KIF13A: variants seen among roughly 807,000 people sequenced by gnomAD.
KIF13A encodes the protein kinesin-like protein KIF13A.
Under a neutral mutation model 212.2 loss-of-function variants are expected in KIF13A, and 79 were observed. That is an observed-to-expected ratio of 0.37 (90% confidence interval 0.31 to 0.45). KIF13A has a LOEUF of 0.45. KIF13A is among the 20% of genes least tolerant of loss of function. The probability of loss-of-function intolerance (pLI) is 1.00; values close to 1 mark genes in which losing one functional copy is unlikely to be tolerated. For synonymous variants in KIF13A, 789 were observed against 808.6 expected, an observed-to-expected ratio of 0.98 and a Z score of 0.41; for missense variants, 1,901 against 2,209.0, an observed-to-expected ratio of 0.86 and a Z score of 2.79.
chr6:17,853,502 T>C (rs1227305511), intron 6 of KIF13A, among the ~76,000 whole-genome samples: 1 of 152,150 alleles, frequency 6.6e-6, no homozygotes, highest in African/African-American at 2.4e-5. Context: ...ATGTGTTACC[T>C]AGAAACTCCT....
chr6:17,856,178 A>G lies in KIF13A; in HGVS notation c.221-56T>C. The G allele has an allele frequency of 1.6e-6, 2 of 1,236,654 alleles. No individual in the cohort carries two copies. Among genetic ancestry groups the G allele is most frequent in the Non-Finnish European group, 2.3e-6 (2 of 859,002 alleles). 76.6% of individuals were successfully genotyped at this position (1,236,654 alleles called of 1,614,324 possible). On this transcript the variant is annotated intron_variant, in intron 4 of 38. Transcript: ENST00000259711. The surrounding 1 kb of genome is among the most constrained non-coding windows in gnomAD (Gnocchi z 4.5). ...TAAAAAGAATAATTTTTCTTGACAT[A>G]TTTGTGTTAGTAACAATATTATGTC...
chr6:17,847,132 C>G (rs1767144747), intron 9 of KIF13A, among the ~76,000 whole-genome samples: 1 of 152,198 alleles, frequency 6.6e-6, no homozygotes, highest in African/African-American at 2.4e-5. Flanking sequence ...CACACACACA[C>G]ACTCTAAATT....
intron 2 of KIF13A, among the ~76,000 whole-genome samples, chr6:17,960,633 G>A (rs1257202356): frequency 6.6e-6 from 1 of 152,176 alleles, no homozygotes; most frequent in African/African-American, 2.4e-5. Flanking sequence ...GATATATCGA[G>A]AGCATCATCT....
intron 3 of KIF13A, among the ~76,000 whole-genome samples, chr6:17,896,228 G>T (rs1311462609): frequency 6.6e-6 from 1 of 151,806 alleles, no homozygotes. Flanking sequence ...CTGTTCAGGG[G>T]TCAACTGTAT....
rs748642534 is a variant in KIF13A, at chr6:17,777,348, T to C, written c.4099A>G (p.Thr1367Ala). The C allele has an allele frequency of 1.6e-5, 25 of 1,611,900 alleles. 1 individual carries two copies. The highest frequency in any genetic ancestry group is 2.0e-5 in the Non-Finnish European group (23 of 1,178,750). The part of the protein sequence containing the change: ...LSLERLRQAV[T>A]VKEALSTKAR... The stretch of plus-strand genomic sequence containing the variant: ...TTGGTGGAAAGTGCTTCTTTGACTG[T>C]GACGGCCTGTAAACATAATAATTTG... Residue 1367 changes from threonine (T) to alanine (A), a missense_variant, in exon 34 of 39, where the codon ACA becomes GCA. Transcript: ENST00000259711. The surrounding 1 kb of genome is among the most constrained non-coding windows in gnomAD (Gnocchi z 4.4).
In KIF13A at chr6:17,771,202, T is replaced by C. The variant is rs1279484894; in HGVS notation, c.4493A>G (p.Gln1498Arg). 6.2e-7 allele frequency: 1 copy of C among 1,612,214 alleles called. No homozygotes were observed. Among genetic ancestry groups the C allele is most frequent in the Non-Finnish European group, 8.5e-7 (1 of 1,179,082 alleles). The change falls in exon 38 of 39, where the codon CAG (glutamine) becomes CGG (arginine). Residue 1498 changes from glutamine to arginine, a missense_variant. Gln to Arg is a conservative substitution (Grantham distance 43). This residue lies in a region of KIF13A where 687 missense variants were observed against 759.1 expected (regional missense o/e 0.90). Transcript: ENST00000259711. The surrounding 1 kb of genome is among the most constrained non-coding windows in gnomAD (Gnocchi z 5.4). ...LLSQESMPPP[Q>R]AHNPGCIVPS... ...TACAATGCAGCCAGGGTTATGTGCC[T>C]GAGGTGGAGGCATGCTCTGCAAAGG... is the stretch of plus-strand genomic sequence containing the variant.
In KIF13A at chr6:17,963,467, G is replaced by C. The variant is rs1433131565; in HGVS notation, c.146+23587C>G. 1.3e-5 allele frequency among the ~76,000 whole-genome samples: 2 copies of C among 152,148 alleles called. No individual in the cohort carries two copies. The highest frequency in any genetic ancestry group is 2.9e-5 in the Non-Finnish European group (2 of 68,034). On this transcript the variant is annotated intron_variant, in intron 2 of 38. Coordinates refer to ENST00000259711, the MANE Select transcript of KIF13A (RefSeq NM_022113.6). This position sits in a 1 kb window ranked among gnomAD's most constrained non-coding sequence, Gnocchi z 4.1. ...AGAAGAGCATCATGTGAAGTAACATGGATAGATAAGGTCTTACAATATGAA... is the reference window on the plus strand; with the variant it reads ...AGAAGAGCATCATGTGAAGTAACATCGATAGATAAGGTCTTACAATATGAA...
Position 17,771,961 on chromosome 6 carries a change from C to G in KIF13A, c.4423G>C (p.Glu1475Gln). 1 of 1,614,002 alleles carries G rather than the reference C, an allele frequency of 6.2e-7. No individual in the cohort carries two copies. The highest frequency in any genetic ancestry group is 8.5e-7 in the Non-Finnish European group (1 of 1,179,878). ...KFFKPLMPVK[E>Q]EHKKRIALEA... is the part of the protein sequence containing the mutation. ...AGGGCTATCCTTTTCTTATGCTCCT[C>G]TTTTACAGGCATTAGGGGCTTGAAA... Residue 1475 changes from glutamate (E) to glutamine (Q), a missense_variant, in exon 37 of 39, where the codon GAG (glutamate) becomes CAG (glutamine). By Grantham distance (29) the Glu-to-Gln change is conservative. Transcript: ENST00000259711. This position sits in a 1 kb window ranked among gnomAD's most constrained non-coding sequence, Gnocchi z 5.4.
At chr6:17,960,382 A>G (rs974242034) in intron 2 of KIF13A, among the ~76,000 whole-genome samples, 7 of 152,240 alleles carry the variant, frequency 4.6e-5, no homozygotes, top group African/African-American at 1.7e-4. Flanking sequence ...CAAATGAATT[A>G]TAACTAAAAA....
intron 4 of KIF13A, among the ~76,000 whole-genome samples, chr6:17,865,553 G>A (rs1355072028): frequency 6.6e-6 from 1 of 152,190 alleles, no homozygotes; most frequent in Non-Finnish European, 1.5e-5. Context: ...CAGCTTGGAT[G>A]AGGTTTAAAT....
rs1779541448 is a variant in KIF13A, at chr6:17,968,706, T to C, written c.146+18348A>G. On this transcript the variant is annotated intron_variant, in intron 2 of 38. Coordinates refer to ENST00000259711, the MANE Select transcript of KIF13A (RefSeq NM_022113.6). This position sits in a 1 kb window ranked among gnomAD's most constrained non-coding sequence, Gnocchi z 4.7. ...TGTAGTCCTAAGCAGCTACAGCCTC[T>C]GCCTGTCAGCCAAAGGCAGTAGCAG... is the stretch of plus-strand genomic sequence containing the variant. Among the ~76,000 whole-genome samples, 1 of 152,252 alleles carries C rather than the reference T, an allele frequency of 6.6e-6. No homozygotes were observed. The highest frequency in any genetic ancestry group is 1.5e-5 in the Non-Finnish European group (1 of 68,042).
chr6:17,877,524 A>G (rs936106936), intron 3 of KIF13A, among the ~76,000 whole-genome samples: 11 of 152,328 alleles, frequency 7.2e-5, no homozygotes, highest in South Asian at 2.1e-4. Context: ...ACATCTCCAG[A>G]AAAGGAGATT....
intron 33 of KIF13A, among the ~76,000 whole-genome samples, chr6:17,778,557 G>T (rs1760199470): frequency 6.6e-6 from 1 of 152,140 alleles, no homozygotes; most frequent in Non-Finnish European, 1.5e-5. Context: ...TATGTGCTTT[G>T]GAGTCAAGCT....
chr6:17,779,743 T>TTG, intron 31 of KIF13A, 59 bp from the exon 32 acceptor site: 1 of 295,936 alleles, frequency 3.4e-6, no homozygotes, highest in Non-Finnish European at 5.8e-6. Flanking sequence ...TTATTTTGTA[T>TTG]TTTTTTTTTT....
chr6:17,937,398 T>C (rs1005074572), intron 2 of KIF13A, among the ~76,000 whole-genome samples: 2 of 152,166 alleles, frequency 1.3e-5, no homozygotes, highest in Non-Finnish European at 1.5e-5. Flanking sequence ...TCTCCAATTG[T>C]TTTAGTCCTT....
intron 2 of KIF13A, among the ~76,000 whole-genome samples, chr6:17,910,335 G>A (rs1773929912): frequency 6.6e-6 from 1 of 152,184 alleles, no homozygotes; most frequent in Non-Finnish European, 1.5e-5. Context: ...CTGAAAAGCT[G>A]GCAATAAAAG....
At chr6:17,986,957 C>T in intron 2 of KIF13A, 97 bp downstream of exon 2, 1 of 854,564 alleles carries the variant, frequency 1.2e-6, no homozygotes, top group East Asian at 2.7e-5. Context: ...AGCCGTCCTC[C>T]TAACAATAGG....
chr6:17,806,714 T>C (rs1762979262), intron 18 of KIF13A, among the ~76,000 whole-genome samples: 1 of 152,070 alleles, frequency 6.6e-6, no homozygotes, highest in Admixed American at 6.6e-5. Flanking sequence ...ACCCTGCCTC[T>C]ACTAAAAATA....
rs539895037 is a variant in KIF13A at position 17,910,418 on chromosome 6, A to G, written c.147-12238T>C. Among the ~76,000 whole-genome samples, 8 of 152,346 alleles carry G rather than the reference A, an allele frequency of 5.3e-5. 1 individual carries two copies. In the South Asian group the frequency reaches 1.7e-3, roughly 32 times the overall value. On this transcript the variant is annotated intron_variant, in intron 2 of 38. Transcript: ENST00000259711. ...GAAACCAAGGGACCAAACAGCTTTCAGTTTCCTTTCCCAAAACAGCTTGAA... is the reference window on the plus strand; with the variant it reads ...GAAACCAAGGGACCAAACAGCTTTCGGTTTCCTTTCCCAAAACAGCTTGAA...
Sources: allele counts gnomAD v4.1 joint callset (sites outside exome capture counted in the v4.1 genomes callset), GRCh38; gene constraint gnomAD v4.1.1; regional missense constraint gnomAD v4.1.1; non-coding constraint Gnocchi (gnomAD v3.1); transcripts MANE v1.5; gene names NCBI Gene and HGNC (gene_info 2026-07-23, HGNC 2026-07-21).